ABTB2: variants seen among roughly 807,000 people sequenced by gnomAD.
The protein encoded by ABTB2 is ankyrin repeat and BTB/POZ domain-containing protein 2.
A neutral mutation model predicts 104.1 loss-of-function variants in ABTB2; 56 were observed. The observed-to-expected ratio is 0.54, with a 90% CI of 0.43 to 0.67. The LOEUF is 0.67. Among genes scored for constraint, ABTB2 ranks in the 30% least tolerant of loss-of-function variants. The pLI, the probability that ABTB2 is intolerant of heterozygous loss-of-function variation, is 0.00. For synonymous variants in ABTB2, 606 were observed against 608.2 expected (o/e 1.00, Z 0.05); for missense variants, 1,279 against 1,407.7 (o/e 0.91, Z 1.46).
At chr11:34,163,347 A>G (rs1045044787) in intron 9 of ABTB2, among the ~76,000 whole-genome samples, 2 of 152,204 alleles carry the variant, frequency 1.3e-5, no homozygotes, top group South Asian at 4.1e-4. Flanking sequence ...GACGGATGTC[A>G]TGTAGAATGT....
At chr11:34,209,892 G>C (rs928727247) in intron 1 of ABTB2, among the ~76,000 whole-genome samples, 1 of 150,232 alleles carries the variant, frequency 6.7e-6, no homozygotes, top group African/African-American at 2.5e-5. Context: ...GTAGGAGTAG[G>C]GTCAATGGTA....
chr11:34,287,966 C>CA (rs1854525776), intron 1 of ABTB2, among the ~76,000 whole-genome samples: 1 of 152,136 alleles, frequency 6.6e-6, no homozygotes, highest in South Asian at 2.1e-4. Flanking sequence ...CAGAGATGAT[C>CA]AAGACCGAAT....
intron 1 of ABTB2, among the ~76,000 whole-genome samples, chr11:34,284,600 G>A (rs1854483367): frequency 6.6e-6 from 1 of 152,198 alleles, no homozygotes; most frequent in South Asian, 2.1e-4. Context: ...GAAGACAGAG[G>A]TGAGGAGGTC....
chr11:34,199,215 G>A (rs1460326735), intron 2 of ABTB2, among the ~76,000 whole-genome samples: 3 of 152,226 alleles, frequency 2.0e-5, no homozygotes, highest in Non-Finnish European at 4.4e-5. Flanking sequence ...CAGCCACGGT[G>A]ATGGTGTTTG....
chr11:34,304,291 A>G (rs1003369925), intron 1 of ABTB2, among the ~76,000 whole-genome samples: 2 of 152,120 alleles, frequency 1.3e-5, no homozygotes, highest in Admixed American at 6.5e-5. Flanking sequence ...TTTTCTTTTT[A>G]TGGAGAACAG....
intron 1 of ABTB2, among the ~76,000 whole-genome samples, chr11:34,291,456 G>A (rs1854564697): frequency 6.6e-6 from 1 of 152,122 alleles, no homozygotes; most frequent in African/African-American, 2.4e-5. Context: ...TTCGGCGTGG[G>A]GCACAGGACT....
chr11:34,206,063 C>T (rs984638681), intron 1 of ABTB2, among the ~76,000 whole-genome samples: 9 of 152,084 alleles, frequency 5.9e-5, no homozygotes, highest in African/African-American at 1.9e-4. Flanking sequence ...TTTATTCTTC[C>T]AACAACCCTA....
intron 2 of ABTB2, among the ~76,000 whole-genome samples, chr11:34,202,199 T>C (rs1853350168): frequency 6.6e-6 from 1 of 152,036 alleles, no homozygotes; most frequent in Non-Finnish European, 1.5e-5. Context: ...GGGAAGACAG[T>C]GGAATGAGAG....
intron 1 of ABTB2, among the ~76,000 whole-genome samples, chr11:34,236,193 G>A (rs1264679920): frequency 6.6e-6 from 1 of 152,112 alleles, no homozygotes; most frequent in Non-Finnish European, 1.5e-5. Context: ...GGGAGAAAAA[G>A]TATTAAAATA....
At chr11:34,204,989 C>A (rs1362732900) in intron 1 of ABTB2, among the ~76,000 whole-genome samples, 1 of 152,190 alleles carries the variant, frequency 6.6e-6, no homozygotes, top group Non-Finnish European at 1.5e-5. Flanking sequence ...AGCATTCATT[C>A]ACTCACTTGC....
chr11:34,158,149 T>A (rs1214250191), intron 14 of ABTB2, among the ~76,000 whole-genome samples: 1 of 152,254 alleles, frequency 6.6e-6, no homozygotes, highest in African/African-American at 2.4e-5. Context: ...GCGCAGTGGC[T>A]CACGCCTGTA....
At chr11:34,194,241 G>A (rs928509433) in intron 3 of ABTB2, among the ~76,000 whole-genome samples, 1 of 152,156 alleles carries the variant, frequency 6.6e-6, no homozygotes, top group South Asian at 2.1e-4. Context: ...AGTAGAGGAG[G>A]TCACTTAATC....
In ABTB2 at chr11:34,252,752, G is replaced by A. The variant is rs543494745; in HGVS notation, c.884-48062C>T. On this transcript the variant is annotated intron_variant, in intron 1 of 16. Transcript: ENST00000435224. This position sits in a 1 kb window ranked among gnomAD's most constrained non-coding sequence, Gnocchi z 5.5. ...TTCTACTCAAACATGTTTTTATAAC[G>A]TGCAACCACCAGAGACCTCCCTAAC... Among the ~76,000 whole-genome samples the A allele has an allele frequency of 4.9e-4, 74 of 151,956 alleles. No homozygotes were observed. Among genetic ancestry groups the A allele is most frequent in the African/African-American group, 1.8e-3 (73 of 41,442 alleles).
intron 3 of ABTB2, 21 bp from the exon 4 acceptor site, chr11:34,173,328 G>A: frequency 6.4e-7 from 1 of 1,566,868 alleles, no homozygotes; most frequent in Non-Finnish European, 8.7e-7. Context: ...GCAGAGAGAG[G>A]GTCAGGCCTG....
intron 14 of ABTB2, among the ~76,000 whole-genome samples, chr11:34,157,032 G>A (rs1852638104): frequency 6.6e-6 from 1 of 152,054 alleles, no homozygotes; most frequent in South Asian, 2.1e-4. Context: ...ACAAAATAAT[G>A]ATCCACACAC....
At chr11:34,355,696 A>G (rs979073236) in intron 1 of ABTB2, among the ~76,000 whole-genome samples, 2 of 152,178 alleles carry the variant, frequency 1.3e-5, no homozygotes, top group African/African-American at 2.4e-5. Context: ...ATCAGATCGT[A>G]AGGCTGTTTA....
Position 34,152,340 on chromosome 11 carries a change from C to T in ABTB2, c.*47G>A, listed in dbSNP as rs1020919510. On this transcript the variant is annotated 3_prime_UTR_variant, in exon 17 of 17. Coordinates refer to ENST00000435224, the MANE Select transcript of ABTB2 (RefSeq NM_145804.3). ...ACAACCATACCCCGACATGGTGGGC[C>T]CTGGCACCTCCACAGGCCCTGGCCT... 2.6e-6 allele frequency: 4 copies of T among 1,528,232 alleles called. No individual in the cohort carries two copies. Among genetic ancestry groups the T allele is most frequent in the South Asian group, 1.2e-5 (1 of 82,520 alleles). The allele number at this position is 1,528,232 out of a possible 1,614,324, so 94.7% of individuals were successfully genotyped here.
intron 1 of ABTB2, among the ~76,000 whole-genome samples, chr11:34,290,230 G>C (rs1324196325): frequency 6.6e-6 from 1 of 152,216 alleles, no homozygotes; most frequent in East Asian, 1.9e-4. Context: ...TTGTATCAAA[G>C]TAGCTATCTT....
At position 34,165,306 on chromosome 11, in the gene ABTB2, G is replaced by A. The variant is rs146017840; in HGVS notation, c.1806C>T (p.Gly602=). The A allele has an allele frequency of 1.6e-5, 25 of 1,576,862 alleles. No individual in the cohort carries two copies. Among genetic ancestry groups the A allele is most frequent in the Admixed American group, 5.5e-5 (3 of 54,842 alleles). The part of the protein sequence containing the change: ...AHVEGSAVNG[G]EDSYAETPLQ... ...GGGGCGTCTCCGCATAGCTGTCCTC[G>A]CCGCCGTTCACTGCCGAGCCCTCGA... Residue 602 remains glycine, a synonymous_variant, in exon 8 of 17, where the codon GGC becomes GGT. Transcript: ENST00000435224.
Sources: allele counts gnomAD v4.1 joint callset (sites outside exome capture counted in the v4.1 genomes callset), GRCh38; gene constraint gnomAD v4.1.1; non-coding constraint Gnocchi (gnomAD v3.1); transcripts MANE v1.5; gene names NCBI Gene and HGNC (gene_info 2026-07-23, HGNC 2026-07-21).